The following MBP variants were observed in gnomAD, a reference collection of about 807,000 sequenced individuals.
MBP encodes myelin basic protein, also known as Golli-MBP.
In MBP, 16 loss-of-function variants were observed where a neutral mutation model predicts 35.8. The observed-to-expected ratio is 0.45, with a 90% CI of 0.30 to 0.68. MBP has a LOEUF of 0.68. Ranked by LOEUF, MBP falls within the 30% of genes least tolerant of loss-of-function variation. The probability of loss-of-function intolerance (pLI) is 0.08; values close to 1 mark genes in which losing one functional copy is unlikely to be tolerated. For missense variants in MBP, 380 were observed against 404.7 expected, an observed-to-expected ratio of 0.94 and a Z score of 0.52; for synonymous variants, 143 against 159.6, an observed-to-expected ratio of 0.90 and a Z score of 0.78.
intron 1 of MBP, among the ~76,000 whole-genome samples, chr18:77,123,851 T>C (rs1410053176): frequency 6.6e-6 from 1 of 152,242 alleles, no homozygotes; most frequent in Non-Finnish European, 1.5e-5. Flanking sequence ...TGTATTGACC[T>C]CTGGAGCTTT....
chr18:77,009,187 G>T (rs1226909789), intron 4 of MBP, among the ~76,000 whole-genome samples: 1 of 152,148 alleles, frequency 6.6e-6, no homozygotes, highest in Admixed American at 6.5e-5. Context: ...GCCAGCTCTG[G>T]GCTTGTCCCC....
chr18:77,060,468 T>TTTTTTTTTTTTTA (rs11422817), intron 3 of MBP, among the ~76,000 whole-genome samples: 1 of 132,998 alleles, frequency 7.5e-6, no homozygotes, highest in African/African-American at 3.4e-5. Context: ...TTTTTTTTTT[T>TTTTTTTTTTTTTA]ATGAGGCGGA....
At chr18:77,039,270 T>A (rs1972891006) in intron 3 of MBP, among the ~76,000 whole-genome samples, 1 of 152,168 alleles carries the variant, frequency 6.6e-6, no homozygotes, top group African/African-American at 2.4e-5. Flanking sequence ...TATAAAATAA[T>A]TTAAAGTTCT....
At chr18:77,082,052 CTG>C (rs1163408894) in intron 2 of MBP, among the ~76,000 whole-genome samples, 2 of 151,182 alleles carry the variant, frequency 1.3e-5, no homozygotes, top group Non-Finnish European at 3.0e-5. Context: ...CGGGGTTTCA[CTG>C]TGTTAGCCGG....
At chr18:77,031,640 C>T (rs916416287) in intron 3 of MBP, among the ~76,000 whole-genome samples, 14 of 152,226 alleles carry the variant, frequency 9.2e-5, no homozygotes, top group South Asian at 2.1e-4. Flanking sequence ...ATCTAATAGA[C>T]GAACATCTTG....
At chr18:77,106,279 C>T (rs755706908) in intron 1 of MBP, among the ~76,000 whole-genome samples, 1 of 152,190 alleles carries the variant, frequency 6.6e-6, no homozygotes, top group African/African-American at 2.4e-5. Context: ...CCTCAAAAGT[C>T]TCTCTTTAGA....
chr18:77,056,382 T>C (rs1429416818), intron 3 of MBP, among the ~76,000 whole-genome samples: 1 of 152,224 alleles, frequency 6.6e-6, no homozygotes, highest in African/African-American at 2.4e-5. Context: ...CTATGAATTA[T>C]TTCTCCGTCC....
At chr18:77,013,574 A>G (rs1032251999) in intron 4 of MBP, 1 of 985,344 alleles carries the variant, frequency 1.0e-6, no homozygotes, top group African/African-American at 1.7e-5. Flanking sequence ...TGAATGACAA[A>G]CAGTTCTTCT....
rs1969693392 is a variant in MBP at position 76,988,441 on chromosome 18, G to A, written c.750+54C>T. The A allele has an allele frequency of 6.2e-7, 1 of 1,614,246 alleles. No homozygotes were observed. Among genetic ancestry groups the A allele is most frequent in the Non-Finnish European group, 8.5e-7 (1 of 1,180,042 alleles). ...CAGAGCAGAACACAAAAGTTGCGGG[G>A]CTGTGAGGACTGGGACGGAAGAGGA... On this transcript the variant is annotated intron_variant, in intron 7 of 8. Coordinates refer to ENST00000355994, the MANE Select transcript of MBP (RefSeq NM_001025101.2). This position sits in a 1 kb window ranked among gnomAD's most constrained non-coding sequence, Gnocchi z 5.2.
At chr18:77,112,449 G>A (rs1209283828) in intron 1 of MBP, among the ~76,000 whole-genome samples, 1 of 152,244 alleles carries the variant, frequency 6.6e-6, no homozygotes, top group African/African-American at 2.4e-5. Context: ...CCCAGCCCTC[G>A]TGCATAACGG....
chr18:77,112,342 A>G (rs530639804), intron 1 of MBP, among the ~76,000 whole-genome samples: 13 of 152,260 alleles, frequency 8.5e-5, no homozygotes, highest in Non-Finnish European at 1.3e-4. Context: ...CCTTCCACAC[A>G]CACCTGCGGG....
intron 1 of MBP, among the ~76,000 whole-genome samples, chr18:77,106,417 G>A (rs1281756335): frequency 6.6e-6 from 1 of 152,168 alleles, no homozygotes; most frequent in African/African-American, 2.4e-5. Flanking sequence ...CACAGCCACT[G>A]GAAGGATTGC....
In MBP at chr18:76,979,173, T is replaced by C. The variant is rs1046855113; in HGVS notation, c.*1254A>G. 6.6e-6 allele frequency: 1 copy of C among 152,228 alleles called. No homozygotes were observed. The highest frequency in any genetic ancestry group is 2.4e-5 in the African/African-American group (1 of 41,446). The allele number at this position is 152,228 out of a possible 1,614,324, so 9.4% of individuals were successfully genotyped here. On this transcript the variant is annotated 3_prime_UTR_variant, in exon 9 of 9. Coordinates refer to ENST00000355994, the MANE Select transcript of MBP (RefSeq NM_001025101.2). ...GGGGAGGGTGATGCCAGCGTGGGAC[T>C]CTTTGGAAGGCCTATCAATCACAGG...
At chr18:77,007,701 G>C (rs1268449740) in intron 4 of MBP, among the ~76,000 whole-genome samples, 1 of 152,180 alleles carries the variant, frequency 6.6e-6, no homozygotes, top group Non-Finnish European at 1.5e-5. Context: ...AGAATGGGGT[G>C]TCCACAAGTG....
At chr18:77,086,369 T>C (rs528347530) in intron 2 of MBP, among the ~76,000 whole-genome samples, 1 of 152,208 alleles carries the variant, frequency 6.6e-6, no homozygotes, top group Non-Finnish European at 1.5e-5. Flanking sequence ...TTAGGGACAA[T>C]TCCTCATTTT....
intron 2 of MBP, among the ~76,000 whole-genome samples, chr18:77,094,719 C>A (rs1375979135): frequency 6.6e-6 from 1 of 152,160 alleles, no homozygotes; most frequent in Non-Finnish European, 1.5e-5. Context: ...AGAGCTAATA[C>A]CTGTCTAGTA....
At chr18:77,087,146 C>T (rs558951886) in intron 2 of MBP, among the ~76,000 whole-genome samples, 1 of 152,344 alleles carries the variant, frequency 6.6e-6, no homozygotes, top group Admixed American at 6.5e-5. Context: ...GCCCTTGCCA[C>T]CGCAAACGGA....
chr18:77,045,769 T>C (rs770199349), intron 3 of MBP, among the ~76,000 whole-genome samples: 1 of 152,216 alleles, frequency 6.6e-6, no homozygotes, highest in Non-Finnish European at 1.5e-5. Flanking sequence ...CAGCACCGAT[T>C]AACAGTGAAA....
chr18:76,985,333 C>T (rs1568264082), intron 7 of MBP: 11 of 1,290,050 alleles, frequency 8.5e-6, no homozygotes, highest in Admixed American at 2.3e-5. Context: ...TGCCGGTCCC[C>T]GGAGGCCCCG....
Sources: gnomAD v4.1 joint callset for allele counts (sites outside exome capture counted in the v4.1 genomes callset) on GRCh38, gnomAD v4.1.1 for gene constraint, Gnocchi (gnomAD v3.1) non-coding constraint, MANE v1.5 for transcripts, NCBI Gene and HGNC (gene_info 2026-07-23, HGNC 2026-07-21) for gene names.